Variants in DGKI observed in about 807,000 individuals in gnomAD.
DGKI encodes the protein DAG kinase iota.
DGKI carries 55 observed loss-of-function variants against 147.5 expected under a neutral mutation model. The ratio of observed to expected loss-of-function variants is 0.37; its 90% CI spans 0.30 to 0.47. DGKI has a LOEUF of 0.47. Among genes scored for constraint, DGKI ranks in the 20% least tolerant of loss-of-function variants. The probability of loss-of-function intolerance (pLI) is 1.00; values close to 1 mark genes in which losing one functional copy is unlikely to be tolerated. For missense variants in DGKI, 1,007 were observed against 1,323.8 expected (o/e 0.76, Z 3.71); for synonymous variants, 469 against 477.1 (o/e 0.98, Z 0.22).
intron 21 of DGKI, among the ~76,000 whole-genome samples, chr7:137,498,470 A>C (rs1432077769): frequency 6.6e-6 from 1 of 152,106 alleles, no homozygotes; most frequent in Non-Finnish European, 1.5e-5. Flanking sequence ...CTACAGAACA[A>C]TATAACATCA....
chr7:137,621,692 T>C (rs1239879364), intron 7 of DGKI, among the ~76,000 whole-genome samples: 1 of 152,204 alleles, frequency 6.6e-6, no homozygotes, highest in Non-Finnish European at 1.5e-5. Context: ...TCTACCACAA[T>C]GGTCAGGTGA....
At position 137,390,298 on chromosome 7, in the gene DGKI, G is replaced by C. The variant is rs185223708; in HGVS notation, c.*922C>G. 6.6e-6 allele frequency: 1 copy of C among 152,628 alleles called. No homozygotes were observed. Among genetic ancestry groups the C allele is most frequent in the East Asian group, 1.9e-4 (1 of 5,174 alleles). The allele number at this position is 152,628 out of a possible 1,614,324, so 9.5% of individuals were successfully genotyped here. On this transcript the variant is annotated 3_prime_UTR_variant, in exon 33 of 33. Coordinates refer to ENST00000614521, the MANE Select transcript of DGKI (RefSeq NM_001321708.2). ...CCACAGTTCCCACACAGGATTATTT[G>C]CTCTGCAATTTAAACAGCACTTAAA... is the stretch of plus-strand genomic sequence containing the variant.
chr7:137,532,347 C>T (rs531775645), intron 20 of DGKI, among the ~76,000 whole-genome samples: 1 of 152,142 alleles, frequency 6.6e-6, no homozygotes, highest in Non-Finnish European at 1.5e-5. Flanking sequence ...AGCGGCATTA[C>T]ATAAAAGGCA....
At chr7:137,399,479 A>C (rs1455883863) in intron 30 of DGKI, among the ~76,000 whole-genome samples, 1 of 152,136 alleles carries the variant, frequency 6.6e-6, no homozygotes, top group Non-Finnish European at 1.5e-5. Flanking sequence ...AGGTTTCTGG[A>C]GCTGTCCCTT....
intron 3 of DGKI, among the ~76,000 whole-genome samples, chr7:137,666,617 G>T (rs1262735232): frequency 6.6e-6 from 1 of 152,140 alleles, no homozygotes; most frequent in African/African-American, 2.4e-5. Flanking sequence ...GTTTGAATGG[G>T]TTTGCACAAG....
At chr7:137,825,681 C>T (rs1365742172) in intron 1 of DGKI, among the ~76,000 whole-genome samples, 3 of 151,448 alleles carry the variant, frequency 2.0e-5, no homozygotes, top group Middle Eastern at 3.4e-3. Context: ...CTCACACACA[C>T]ACATACACAC....
At position 137,489,698 on chromosome 7, in the gene DGKI, A is replaced by G. The variant is rs369977789; in HGVS notation, c.2249-2009T>C. On this transcript the variant is annotated intron_variant, in intron 21 of 32. Coordinates refer to ENST00000614521, the MANE Select transcript of DGKI (RefSeq NM_001321708.2). ...GAAGTGGAATATAGCTATAATTAAC[A>G]TAAGCATCCACATTGGAATCTTGCT... Among the ~76,000 whole-genome samples, 3 of 152,194 alleles carry G rather than the reference A, an allele frequency of 2.0e-5. No individual in the cohort carries two copies. The East Asian group carries it at 5.8e-4, about 29-fold the overall frequency.
Position 137,422,595 on chromosome 7 carries a change from C to CTTTTTTTTTTTTT in DGKI, c.2762-10401_2762-10389dup, listed in dbSNP as rs60494368. Among the ~76,000 whole-genome samples, 197 of 61,998 alleles carry CTTTTTTTTTTTTT rather than the reference C, an allele frequency of 3.2e-3. 23 individuals are homozygous for CTTTTTTTTTTTTT. The highest frequency in any genetic ancestry group is 0.04 in the Middle Eastern group (2 of 50). 40.7% of individuals were successfully genotyped at this position (61,998 alleles called of 152,430 possible). ...TTGTAAAGCATTTTCTTTTTCTTTT[C>CTTTTTTTTTTTTT]TTTTTTTTTTTTTTTTTTTTTTTTT... On this transcript the variant is annotated intron_variant, in intron 28 of 32. Coordinates refer to ENST00000614521, the MANE Select transcript of DGKI (RefSeq NM_001321708.2).
At chr7:137,726,380 C>A (rs1344559561) in intron 1 of DGKI, among the ~76,000 whole-genome samples, 1 of 152,170 alleles carries the variant, frequency 6.6e-6, no homozygotes, top group Non-Finnish European at 1.5e-5. Flanking sequence ...TTTTCCCTTC[C>A]AATCCAAGTC....
chr7:137,472,234 A>ATAT (rs1554410394), intron 23 of DGKI, among the ~76,000 whole-genome samples: 3 of 95,108 alleles, frequency 3.2e-5, no homozygotes, highest in Non-Finnish European at 3.6e-5. Flanking sequence ...TATACATATA[A>ATAT]TATATGTATA....
intron 1 of DGKI, among the ~76,000 whole-genome samples, chr7:137,767,978 C>T (rs1412285258): frequency 6.6e-6 from 1 of 152,130 alleles, no homozygotes; most frequent in African/African-American, 2.4e-5. Context: ...GACTCCAAGA[C>T]CAGACTGGGC....
chr7:137,472,496 T>C (rs1329707415), intron 23 of DGKI, among the ~76,000 whole-genome samples: 2 of 144,604 alleles, frequency 1.4e-5, no homozygotes, highest in Admixed American at 7.2e-5. Flanking sequence ...TATATACACG[T>C]GTATATATTT....
intron 3 of DGKI, among the ~76,000 whole-genome samples, chr7:137,671,313 A>G (rs1236384591): frequency 6.6e-6 from 1 of 152,228 alleles, no homozygotes; most frequent in Admixed American, 6.5e-5. Flanking sequence ...AGATGAGATC[A>G]CAGAATGGGT....
intron 28 of DGKI, among the ~76,000 whole-genome samples, chr7:137,431,801 G>T (rs906383098): frequency 6.6e-6 from 1 of 152,194 alleles, no homozygotes; most frequent in Non-Finnish European, 1.5e-5. Flanking sequence ...CAGGCCTGAT[G>T]CAAGTGACTC....
intron 5 of DGKI, among the ~76,000 whole-genome samples, chr7:137,653,957 G>T (rs1217259621): frequency 6.6e-6 from 1 of 152,172 alleles, no homozygotes; most frequent in Non-Finnish European, 1.5e-5. Flanking sequence ...GCAATTTTGG[G>T]CCTGGAGCTT....
chr7:137,842,059 C>G (rs1379752377), intron 1 of DGKI, among the ~76,000 whole-genome samples: 1 of 152,164 alleles, frequency 6.6e-6, no homozygotes, highest in African/African-American at 2.4e-5. Context: ...GTATGTAAGT[C>G]ATTACTGAGA....
rs1432055945 is a variant in DGKI, at chr7:137,846,423, G to A, written c.401+39C>T. Reference sequence around the variant, plus strand: ...TGGGTAGAAGAGTGGGTCTCCCGCCGCGGCGCACCTGTCTCGGCTGCCGGC... The same window carrying A: ...TGGGTAGAAGAGTGGGTCTCCCGCCACGGCGCACCTGTCTCGGCTGCCGGC... On this transcript the variant is annotated intron_variant, in intron 1 of 32. Coordinates refer to ENST00000614521, the MANE Select transcript of DGKI (RefSeq NM_001321708.2). The surrounding 1 kb of genome is among the most constrained non-coding windows in gnomAD (Gnocchi z 4.0). The A allele has an allele frequency of 2.7e-6, 4 of 1,498,252 alleles. No individual in the cohort carries two copies. Among genetic ancestry groups the A allele is most frequent in the South Asian group, 1.1e-5 (1 of 88,394 alleles). The allele number at this position is 1,498,252 out of a possible 1,614,324, so 92.8% of individuals were successfully genotyped here. A position where few individuals can be genotyped will look rare whatever the true frequency, so the allele number is the denominator to read the frequency against.
chr7:137,451,746 G>T (rs1813968283), intron 27 of DGKI, among the ~76,000 whole-genome samples: 1 of 152,106 alleles, frequency 6.6e-6, no homozygotes, highest in Admixed American at 6.5e-5. Context: ...TTCTTGGTAA[G>T]CTCCATGAAA....
intron 6 of DGKI, among the ~76,000 whole-genome samples, chr7:137,641,793 A>G (rs1585319363): frequency 6.6e-6 from 1 of 152,212 alleles, no homozygotes; most frequent in Non-Finnish European, 1.5e-5. Context: ...TAGCTTGTTT[A>G]TTTTTATAAC....
Sources: allele counts gnomAD v4.1 joint callset (sites outside exome capture counted in the v4.1 genomes callset), GRCh38; gene constraint gnomAD v4.1.1; non-coding constraint Gnocchi (gnomAD v3.1); transcripts MANE v1.5; gene names NCBI Gene and HGNC (gene_info 2026-07-23, HGNC 2026-07-21).